SLC38A10: variants seen among roughly 807,000 people sequenced by gnomAD.
SLC38A10 encodes the protein solute carrier family 38 member 10, also known as Sodium-coupled neutral amino acid transporter 10.
Under a neutral mutation model 81.0 loss-of-function variants are expected in SLC38A10, and 53 were observed. The observed-to-expected ratio is 0.65, with a 90% CI of 0.53 to 0.82. The LOEUF is 0.82. Ranked by LOEUF, SLC38A10 falls within the 40% of genes least tolerant of loss-of-function variation. The pLI, the probability that SLC38A10 is intolerant of heterozygous loss-of-function variation, is 0.00. For missense variants in SLC38A10, 1,471 were observed against 1,545.0 expected (o/e 0.95, Z 0.80); for synonymous variants, 665 against 655.3 (o/e 1.01, Z -0.23).
At chr17:81,291,996 C>T (rs1034149648) in intron 1 of SLC38A10, among the ~76,000 whole-genome samples, 1 of 152,078 alleles carries the variant, frequency 6.6e-6, no homozygotes, top group Admixed American at 6.5e-5. Flanking sequence ...CGGGTTTGCT[C>T]GTCATATGAA....
In SLC38A10 at chr17:81,245,347, A is replaced by T; in HGVS notation, c.*209T>A. ...AGAGGTCAGAGGACCTCAGACTAAG[A>T]GCTGCAACAGAACGACAGCAAGAAC... On this transcript the variant is annotated 3_prime_UTR_variant, in exon 16 of 16. Coordinates refer to ENST00000374759, the MANE Select transcript of SLC38A10 (RefSeq NM_001037984.3). 1 of 612,704 alleles carries T rather than the reference A, an allele frequency of 1.6e-6. No individual in the cohort carries two copies. Among genetic ancestry groups the T allele is most frequent in the Non-Finnish European group, 2.7e-6 (1 of 371,482 alleles). The allele number at this position is 612,704 out of a possible 1,614,324, so 38.0% of individuals were successfully genotyped here.
At chr17:81,256,908 T>C (rs757658076) in intron 11 of SLC38A10, among the ~76,000 whole-genome samples, 7 of 152,158 alleles carry the variant, frequency 4.6e-5, no homozygotes, top group Non-Finnish European at 8.8e-5. Flanking sequence ...CAGGCCCTGG[T>C]ACAGCCTCCG....
chr17:81,294,779 G>C, intron 1 of SLC38A10, 44 bp downstream of exon 1: 3 of 1,515,098 alleles, frequency 2.0e-6, no homozygotes, highest in African/African-American at 1.4e-5. Flanking sequence ...CGCCCCCTCT[G>C]CGGGGGAGGC....
Position 81,288,254 on chromosome 17 carries a change from C to T in SLC38A10, c.217+1437G>A, listed in dbSNP as rs1405181792. 1.3e-5 allele frequency among the ~76,000 whole-genome samples: 2 copies of T among 152,182 alleles called. No homozygotes were observed. The highest frequency in any genetic ancestry group is 2.9e-5 in the Non-Finnish European group (2 of 68,024). ...GTGCAGGTGTTTTTATTTTGTTTGG[C>T]CCCCTGGACCCCTAAACACCATTTC... On this transcript the variant is annotated intron_variant, in intron 2 of 15. Coordinates refer to ENST00000374759, the MANE Select transcript of SLC38A10 (RefSeq NM_001037984.3). The surrounding 1 kb of genome is among the most constrained non-coding windows in gnomAD (Gnocchi z 5.4).
intron 2 of SLC38A10, 61 bp from the exon 3 acceptor site, chr17:81,284,956 G>C (rs1231448226): frequency 6.8e-7 from 1 of 1,459,900 alleles, no homozygotes; most frequent in Non-Finnish European, 9.2e-7. Context: ...CCAGAACAAA[G>C]GTACTGAGCC....
chr17:81,292,369 C>G (rs953541943), intron 1 of SLC38A10, among the ~76,000 whole-genome samples: 3 of 152,088 alleles, frequency 2.0e-5, no homozygotes, highest in Admixed American at 6.5e-5. Context: ...TCGTGATCCA[C>G]CCTCCTCAGC....
Position 81,253,697 on chromosome 17 carries a change from TCATCACCATCAC to T in SLC38A10, c.1289-469_1289-458del, listed in dbSNP as rs1275939110. The stretch of plus-strand genomic sequence containing the variant: ...TCCATCCCTACCACCAACATCACCA[TCATCACCATCAC>T]CATCACCATCATCACCATCTCCATC... On this transcript the variant is annotated intron_variant, in intron 11 of 15. Transcript: ENST00000374759. The surrounding 1 kb of genome is among the most constrained non-coding windows in gnomAD (Gnocchi z 4.1). Among the ~76,000 whole-genome samples, 1 of 143,568 alleles carries T rather than the reference TCATCACCATCAC, an allele frequency of 7.0e-6. No individual in the cohort carries two copies. Among genetic ancestry groups the T allele is most frequent in the Non-Finnish European group, 1.5e-5 (1 of 65,870 alleles). The allele number at this position is 143,568 out of a possible 152,430, so 94.2% of individuals were successfully genotyped here. A position where few individuals can be genotyped will look rare whatever the true frequency, so the allele number is the denominator to read the frequency against.
In SLC38A10 at chr17:81,294,884, G is replaced by C. The variant is rs1340294493; in HGVS notation, c.38C>G (p.Thr13Arg). 6.3e-7 allele frequency: 1 copy of C among 1,596,008 alleles called. No individual in the cohort carries two copies. Among genetic ancestry groups the C allele is most frequent in the Non-Finnish European group, 8.5e-7 (1 of 1,172,652 alleles). ...AAAASNWGLI[T>R]NIVNSIVGVS... ...CCCTACGATGCTGTTCACGATGTTC[G>C]TGATCAGCCCCCAGTTGGAGGCGGC... The change falls in exon 1 of 16, where the codon ACG (threonine) becomes AGG (arginine). Residue 13 changes from threonine to arginine, a missense_variant. Around this residue, in one of 2 missense-constraint regions of SLC38A10, gnomAD observed 720 missense variants for 827.7 expected, o/e 0.87. Transcript: ENST00000374759.
rs1394935217 is a variant in SLC38A10 at position 81,253,077 on chromosome 17, C to T, written c.1452G>A (p.Gly484=). ...CCCCCAGCCAGTGCCCAGCACCTTG[C>T]CCAGGGCGATCGAGCTGTGCCTCCT... ...APEEAQLDRP[G]QGIAVPVGEA... is the part of the protein sequence containing the mutation. Residue 484 remains glycine (G), a synonymous_variant, in exon 12 of 16, where the codon GGG becomes GGA. Transcript: ENST00000374759. The surrounding 1 kb of genome is among the most constrained non-coding windows in gnomAD (Gnocchi z 4.1). The T allele has an allele frequency of 6.2e-7, 1 of 1,612,766 alleles. No individual in the cohort carries two copies. Among genetic ancestry groups the T allele is most frequent in the Admixed American group, 1.7e-5 (1 of 60,028 alleles).
In SLC38A10 at chr17:81,277,217, C is replaced by A. The variant is rs890442958; in HGVS notation, c.627-84G>T. 2.5e-6 allele frequency: 3 copies of A among 1,199,760 alleles called. No individual in the cohort carries two copies. Among genetic ancestry groups the A allele is most frequent in the Non-Finnish European group, 3.7e-6 (3 of 818,742 alleles). 74.3% of individuals were successfully genotyped at this position (1,199,760 alleles called of 1,614,324 possible). On this transcript the variant is annotated intron_variant, in intron 6 of 15. Transcript: ENST00000374759. This position sits in a 1 kb window ranked among gnomAD's most constrained non-coding sequence, Gnocchi z 4.5. ...CTCCACTTCTAGGACCTCTCTGCAGCCCAGTGAGAGTCTCTGACCTTCCTT... is the reference window on the plus strand; with the variant it reads ...CTCCACTTCTAGGACCTCTCTGCAGACCAGTGAGAGTCTCTGACCTTCCTT...
In SLC38A10 at chr17:81,252,607, GC is replaced by G; in HGVS notation, c.1532del (p.Gly511AlafsTer194). ...VPHDKVVVDE[G>X]QDREVPEENK... ...TCTCTTCTGGCACCTCTCGGTCTTG[GC>G]CTTCATCTACCACCACCTTGTCGTG... On this transcript the variant is annotated frameshift_variant, in exon 13 of 16. Transcript: ENST00000374759. LOFTEE classifies it high-confidence loss of function. 1 of 1,613,062 alleles carries G rather than the reference GC, an allele frequency of 6.2e-7. No individual in the cohort carries two copies. The highest frequency in any genetic ancestry group is 2.2e-5 in the East Asian group (1 of 44,890).
rs1004930365 is a variant in SLC38A10, at chr17:81,286,198, T to C, written c.218-1303A>G. On this transcript the variant is annotated intron_variant, in intron 2 of 15. Transcript: ENST00000374759. The surrounding 1 kb of genome is among the most constrained non-coding windows in gnomAD (Gnocchi z 6.0). ...AAAACACGGCGCTCCAAACATGAAG[T>C]TGCTCCTGGCCATAATGTGCCTTTT... 3.9e-5 allele frequency among the ~76,000 whole-genome samples: 6 copies of C among 152,180 alleles called. No homozygotes were observed. Among genetic ancestry groups the C allele is most frequent in the African/African-American group, 1.4e-4 (6 of 41,434 alleles).
rs758222332 is a variant in SLC38A10, at chr17:81,270,996, C to G, written c.1053G>C (p.Ala351=). The change falls in exon 10 of 16, where the codon GCG becomes GCC. Residue 351 remains alanine (A), a synonymous_variant. Transcript: ENST00000374759. This position sits in a 1 kb window ranked among gnomAD's most constrained non-coding sequence, Gnocchi z 4.0. ...TGAAGCAGATGAGGCTTCCCATGGT[C>G]GCTCCTGTGAGGCCCAGGATGGTCT... is the stretch of plus-strand genomic sequence containing the variant. The part of the protein sequence containing the change: ...NVETILGLTG[A]TMGSLICFIC... 8 of 1,613,282 alleles carry G rather than the reference C, an allele frequency of 5.0e-6. No homozygotes were observed. The African/African-American group carries it at 9.3e-5, about 19-fold the overall frequency.
chr17:81,280,541 G>T, intron 6 of SLC38A10, 68 bp downstream of exon 6: 2 of 1,587,094 alleles, frequency 1.3e-6, no homozygotes, highest in South Asian at 1.2e-5. Context: ...GAAAGAGAGG[G>T]TCCCGTCTCC....
intron 14 of SLC38A10, chr17:81,247,678 C>CAA (rs962032915): frequency 1.4e-5 from 2 of 142,546 alleles, no homozygotes; most frequent in African/African-American, 2.7e-5. Flanking sequence ...ACAAAAAAAA[C>CAA]AAAAAAATAA....
Position 81,246,098 on chromosome 17 carries a change from CCGCTGCAAGGCCCAGGTCT to C in SLC38A10, c.2799_2817del (p.Asp934ThrfsTer46). On this transcript the variant is annotated frameshift_variant, in exon 16 of 16. Transcript: ENST00000374759. LOFTEE classifies it low-confidence loss of function (END_TRUNC). ...GCTCCTTCCGCCCCACCGGGCAGGT[CCGCTGCAAGGCCCAGGTCT>C]CGGCTCACTTGCTTGGGCTTCATGC... 3 of 1,608,484 alleles carry C rather than the reference CCGCTGCAAGGCCCAGGTCT, an allele frequency of 1.9e-6. No homozygotes were observed. Among genetic ancestry groups the C allele is most frequent in the Non-Finnish European group, 2.5e-6 (3 of 1,179,486 alleles).
chr17:81,247,319 G>A, intron 14 of SLC38A10: 2 of 365,560 alleles, frequency 5.5e-6, no homozygotes, highest in South Asian at 9.0e-5. Flanking sequence ...CTCCCGCACA[G>A]CCAGCCACTG....
At chr17:81,272,189 C>T (rs1310326937) in intron 9 of SLC38A10, among the ~76,000 whole-genome samples, 5 of 152,044 alleles carry the variant, frequency 3.3e-5, no homozygotes, top group Admixed American at 1.3e-4. Flanking sequence ...TGCACCATGA[C>T]GCCCTGCTAA....
chr17:81,284,657 T>TG (rs2146950509), intron 3 of SLC38A10, among the ~76,000 whole-genome samples, 193 bp downstream of exon 3: 1 of 152,296 alleles, frequency 6.6e-6, no homozygotes, highest in South Asian at 2.1e-4. Context: ...ACCAGGTTCT[T>TG]GGAGTTTTCC....
Sources: gnomAD v4.1 joint callset for allele counts (sites outside exome capture counted in the v4.1 genomes callset) on GRCh38, gnomAD v4.1.1 for gene constraint, gnomAD v4.1.1 regional missense constraint, Gnocchi (gnomAD v3.1) non-coding constraint, MANE v1.5 for transcripts, NCBI Gene and HGNC (gene_info 2026-07-23, HGNC 2026-07-21) for gene names.